The following FSTL5 variants were observed in gnomAD, a reference collection of about 807,000 sequenced individuals.
The protein encoded by FSTL5 is follistatin-related protein 5.
In FSTL5, 62 loss-of-function variants were observed where a neutral mutation model predicts 89.1. The ratio of observed to expected loss-of-function variants is 0.70; its 90% CI spans 0.57 to 0.86. The LOEUF (loss-of-function observed/expected upper bound fraction) is 0.86. Ranked by LOEUF, FSTL5 falls within the 40% of genes least tolerant of loss-of-function variation. The probability of loss-of-function intolerance (pLI) is 0.00; values close to 1 mark genes in which losing one functional copy is unlikely to be tolerated. For synonymous variants in FSTL5, 383 were observed against 346.2 expected, an observed-to-expected ratio of 1.11 and a Z score of -1.18; for missense variants, 1,057 against 1,001.6, an observed-to-expected ratio of 1.06 and a Z score of -0.75.
intron 4 of FSTL5, among the ~76,000 whole-genome samples, chr4:161,783,696 TTTCTTTCTTTCTTTCTTTC>T (rs1741767523): frequency 3.7e-5 from 1 of 27,274 alleles, no homozygotes; most frequent in Non-Finnish European, 7.8e-5. Flanking sequence ...TCTTTCTTTC[TTTCTTTCTTTCTTTCTTTC>T]TTTCTTTCTT....
intron 4 of FSTL5, among the ~76,000 whole-genome samples, chr4:161,820,697 A>G (rs375791068): frequency 6.6e-6 from 1 of 152,152 alleles, no homozygotes; most frequent in African/African-American, 2.4e-5. Context: ...ACAGATGAGC[A>G]GGGGAGACTT....
At chr4:161,689,375 T>A (rs1218961361) in intron 6 of FSTL5, among the ~76,000 whole-genome samples, 1 of 152,100 alleles carries the variant, frequency 6.6e-6, no homozygotes, top group Non-Finnish European at 1.5e-5. Context: ...ATTGAGCACT[T>A]GAAATGTGGT....
chr4:161,877,757 C>A (rs1474717219), intron 4 of FSTL5, among the ~76,000 whole-genome samples: 2 of 151,844 alleles, frequency 1.3e-5, no homozygotes, highest in Admixed American at 6.6e-5. Flanking sequence ...ACCCGAGAGG[C>A]GGAGCTTGCA....
intron 10 of FSTL5, among the ~76,000 whole-genome samples, chr4:161,518,035 G>A (rs977796725): frequency 3.3e-5 from 5 of 152,068 alleles, no homozygotes; most frequent in African/African-American, 1.2e-4. Flanking sequence ...CTATTTTTAG[G>A]CTAGAAACAA....
chr4:162,113,522 A>C lies in FSTL5; in HGVS notation c.-16-2110T>G, dbSNP rs529959247. ...GAGTGATCATGTTATTGCACTCATT[A>C]ATAACTTTAGCATATTTTCACGTAC... On this transcript the variant is annotated intron_variant, in intron 1 of 15. Coordinates refer to ENST00000306100, the MANE Select transcript of FSTL5 (RefSeq NM_020116.5). 3.9e-5 allele frequency among the ~76,000 whole-genome samples: 6 copies of C among 152,238 alleles called. No individual in the cohort carries two copies. The East Asian group carries it at 7.7e-4, about 20-fold the overall frequency.
intron 4 of FSTL5, among the ~76,000 whole-genome samples, chr4:161,846,576 C>A (rs765517037): frequency 6.6e-6 from 1 of 152,054 alleles, no homozygotes; most frequent in Non-Finnish European, 1.5e-5. Flanking sequence ...GAAGAGAATG[C>A]ACATTCATTA....
intron 15 of FSTL5, among the ~76,000 whole-genome samples, chr4:161,408,654 A>T (rs1578950715): frequency 6.6e-6 from 1 of 152,092 alleles, no homozygotes; most frequent in Non-Finnish European, 1.5e-5. Context: ...GAAAGTTAAA[A>T]CTCTGTCCAA....
chr4:161,975,785 A>G (rs1735621675), intron 3 of FSTL5, among the ~76,000 whole-genome samples: 1 of 148,918 alleles, frequency 6.7e-6, no homozygotes, highest in Non-Finnish European at 1.5e-5. Context: ...AAAATAAAAT[A>G]AAATAAAATA....
At chr4:161,827,882 A>C (rs11722578) in intron 4 of FSTL5, among the ~76,000 whole-genome samples, 38,203 of 151,994 alleles carry the variant, frequency 0.25, 4,960 homozygotes, top group Non-Finnish European at 0.27. Flanking sequence ...TGAAGCAGGT[A>C]TGGTTTTCAG....
At chr4:162,004,005 A>C (rs2111113313) in intron 3 of FSTL5, among the ~76,000 whole-genome samples, 1 of 152,344 alleles carries the variant, frequency 6.6e-6, no homozygotes, top group Middle Eastern at 3.4e-3. Context: ...ATAAGTCAGA[A>C]AAATGTTGTT....
chr4:162,152,422 G>T (rs1023450688), intron 1 of FSTL5, among the ~76,000 whole-genome samples: 1 of 152,086 alleles, frequency 6.6e-6, no homozygotes, highest in Non-Finnish European at 1.5e-5. Context: ...TCTGCCAAAG[G>T]ATTGAGATAT....
At chr4:161,949,642 G>A (rs908493026) in intron 3 of FSTL5, among the ~76,000 whole-genome samples, 4 of 132,396 alleles carry the variant, frequency 3.0e-5, no homozygotes, top group East Asian at 2.1e-4. Context: ...GATTTCAAAC[G>A]TATTGTTTAT....
intron 3 of FSTL5, among the ~76,000 whole-genome samples, chr4:161,925,410 T>G (rs1734094807): frequency 1.3e-5 from 2 of 151,896 alleles, no homozygotes; most frequent in African/African-American, 4.8e-5. Flanking sequence ...GCCATTACTT[T>G]CAATAGGTTT....
At chr4:161,821,217 T>C (rs1730483765) in intron 4 of FSTL5, among the ~76,000 whole-genome samples, 1 of 151,980 alleles carries the variant, frequency 6.6e-6, no homozygotes, top group South Asian at 2.1e-4. Context: ...TTTGTATTTT[T>C]TGTAGACAAG....
Position 161,507,689 on chromosome 4 carries a change from C to T in FSTL5, c.1339+2709G>A, listed in dbSNP as rs1359053553. Among the ~76,000 whole-genome samples, 11 of 151,772 alleles carry T rather than the reference C, an allele frequency of 7.2e-5. 1 individual carries two copies. In the South Asian group the frequency reaches 8.3e-4, roughly 11 times the overall value. ...GAGCCCAGAGAAGTAGAGGACATTG[C>T]GTTCCAAGTTTATATATTGATGAGA... On this transcript the variant is annotated intron_variant, in intron 11 of 15. Coordinates refer to ENST00000306100, the MANE Select transcript of FSTL5 (RefSeq NM_020116.5).
At chr4:161,817,047 C>T (rs1429723676) in intron 4 of FSTL5, among the ~76,000 whole-genome samples, 2 of 152,132 alleles carry the variant, frequency 1.3e-5, no homozygotes, top group East Asian at 1.9e-4. Flanking sequence ...AGCAAATTGA[C>T]ATATCACATA....
chr4:161,975,991 G>C (rs868081451), intron 3 of FSTL5, among the ~76,000 whole-genome samples: 1 of 150,680 alleles, frequency 6.6e-6, no homozygotes, highest in Non-Finnish European at 1.5e-5. Context: ...GGTGGTGGGC[G>C]CCTGTAGTCC....
At chr4:161,477,939 T>C (rs576013107) in intron 13 of FSTL5, among the ~76,000 whole-genome samples, 2 of 152,186 alleles carry the variant, frequency 1.3e-5, no homozygotes, top group East Asian at 1.9e-4. Context: ...CAGGAATGTA[T>C]AGAAATTCAC....
chr4:161,422,150 G>T (rs1040638509), intron 15 of FSTL5, among the ~76,000 whole-genome samples: 1 of 151,712 alleles, frequency 6.6e-6, no homozygotes, highest in Non-Finnish European at 1.5e-5. Flanking sequence ...ATATGGTATT[G>T]GTTCTGTTTC....
Sources: gnomAD v4.1 joint callset for allele counts (sites outside exome capture counted in the v4.1 genomes callset) on GRCh38, gnomAD v4.1.1 for gene constraint, MANE v1.5 for transcripts, NCBI Gene and HGNC (gene_info 2026-07-23, HGNC 2026-07-21) for gene names.